The following ZFHX4 variants were observed in gnomAD, a reference collection of about 807,000 sequenced individuals.
ZFHX4 encodes zinc finger homeobox 4, also known as zinc finger homeobox protein 4.
Under a neutral mutation model 267.6 loss-of-function variants are expected in ZFHX4, and 56 were observed. The ratio of observed to expected loss-of-function variants is 0.21; its 90% CI spans 0.17 to 0.26. The LOEUF is 0.26. ZFHX4 is among the 10% of genes least tolerant of loss of function. ZFHX4 has a pLI of 1.00. For synonymous variants in ZFHX4, 1,778 were observed against 1,665.6 expected (o/e 1.07, Z -1.64); for missense variants, 4,332 against 4,420.0 (o/e 0.98, Z 0.56).
At chr8:76,731,416 C>T (rs550861189) in intron 3 of ZFHX4, among the ~76,000 whole-genome samples, 5 of 152,226 alleles carry the variant, frequency 3.3e-5, no homozygotes, top group African/African-American at 9.6e-5. Flanking sequence ...TTGTCTGAGT[C>T]AAGAAAGAAT....
In ZFHX4 at chr8:76,704,223, C is replaced by G; in HGVS notation, c.135C>G (p.Ser45Arg). 2 of 1,613,998 alleles carry G rather than the reference C, an allele frequency of 1.2e-6. No homozygotes were observed. The highest frequency in any genetic ancestry group is 1.7e-6 in the Non-Finnish European group (2 of 1,179,888). ...GGATGGAGCCTGACAGGGAAAACAG[C>G]TCCACAGATGACAACCTGAAAACGG... is the stretch of plus-strand genomic sequence containing the variant. ...VAGMEPDREN[S>R]STDDNLKTDE... The change falls in exon 2 of 11, where the codon AGC becomes AGG. Residue 45 changes from serine (S) to arginine (R), a missense_variant. By Grantham distance (110) the Ser-to-Arg change is moderately radical. Coordinates refer to ENST00000651372, the MANE Select transcript of ZFHX4 (RefSeq NM_024721.5).
intron 4 of ZFHX4, among the ~76,000 whole-genome samples, chr8:76,832,660 C>T (rs536864364): frequency 1.6e-4 from 25 of 152,158 alleles, no homozygotes; most frequent in Non-Finnish European, 2.8e-4. Context: ...AATGAGATGT[C>T]GAAGGAAATT....
At position 76,855,455 on chromosome 8, in the gene ZFHX4, T is replaced by C; in HGVS notation, c.8534T>C (p.Leu2845Pro). 6.2e-7 allele frequency: 1 copy of C among 1,613,532 alleles called. No individual in the cohort carries two copies. Among genetic ancestry groups the C allele is most frequent in the Non-Finnish European group, 8.5e-7 (1 of 1,179,810 alleles). Reference protein sequence around the residue: ...PALSPKEPKTLDTLPKPATTP... With the variant: ...PALSPKEPKTPDTLPKPATTP... The stretch of plus-strand genomic sequence containing the variant: ...TTGTCTCCCAAAGAGCCAAAAACTC[T>C]GGATACTCTGCCAAAACCTGCAACC... Residue 2845 changes from leucine (L) to proline (P), a missense_variant, in exon 10 of 11, where the codon CTG becomes CCG. By Grantham distance (98) the Leu-to-Pro change is moderately conservative (BLOSUM62 -3). Coordinates refer to ENST00000651372, the MANE Select transcript of ZFHX4 (RefSeq NM_024721.5).
rs548099081 is a variant in ZFHX4, at chr8:76,836,445, C to T, written c.3394+3039C>T. Among the ~76,000 whole-genome samples, 52 of 152,022 alleles carry T rather than the reference C, an allele frequency of 3.4e-4. No individual in the cohort carries two copies. In the South Asian group the frequency reaches 0.01, roughly 30 times the overall value. ...GACAGCTCATCAGCTACTTTAGGAG[C>T]GGTAGTCAGAGAAGTTCTCTGAGGA... On this transcript the variant is annotated intron_variant, in intron 5 of 10. Transcript: ENST00000651372.
intron 1 of ZFHX4, among the ~76,000 whole-genome samples, chr8:76,700,094 A>G (rs1466888079): frequency 6.6e-6 from 1 of 152,116 alleles, no homozygotes; most frequent in Non-Finnish European, 1.5e-5. Flanking sequence ...ACCTTTTGGA[A>G]ACTTGATATA....
At chr8:76,817,581 T>C (rs752601747) in intron 4 of ZFHX4, among the ~76,000 whole-genome samples, 2 of 152,202 alleles carry the variant, frequency 1.3e-5, no homozygotes, top group African/African-American at 2.4e-5. Flanking sequence ...TTCAAAGAAT[T>C]AAATGCATAC....
rs369260305 is a variant in ZFHX4 at position 76,864,339 on chromosome 8, C to T, written c.10625C>T (p.Pro3542Leu). Residue 3542 changes from proline to leucine, a missense_variant, in exon 11 of 11, where the codon CCT becomes CTT. Around this residue, in one of 7 missense-constraint regions of ZFHX4, gnomAD observed 1,648 missense variants for 1,625.0 expected, o/e 1.01. Coordinates refer to ENST00000651372, the MANE Select transcript of ZFHX4 (RefSeq NM_024721.5). The stretch of plus-strand genomic sequence containing the variant: ...TCTGCCAGGAGAGCTGCTTCTCCCC[C>T]TTCTTCTCCTCCTTCCCTTTCCTTG... ...QASARRAASP[P>L]SSPPSLSLPS... 5.0e-6 allele frequency: 8 copies of T among 1,613,636 alleles called. No homozygotes were observed. Among genetic ancestry groups the T allele is most frequent in the African/African-American group, 1.3e-5 (1 of 74,910 alleles).
chr8:76,828,828 AG>A (rs764796366), intron 4 of ZFHX4, among the ~76,000 whole-genome samples: 2 of 152,262 alleles, frequency 1.3e-5, no homozygotes, highest in Non-Finnish European at 2.9e-5. Context: ...AATGCTGCAT[AG>A]GAATACAGAA....
At position 76,707,597 on chromosome 8, in the gene ZFHX4, G is replaced by A. The variant is rs768268963; in HGVS notation, c.2642G>A (p.Gly881Asp). 6.2e-7 allele frequency: 1 copy of A among 1,613,412 alleles called. No homozygotes were observed. Among genetic ancestry groups the A allele is most frequent in the Non-Finnish European group, 8.5e-7 (1 of 1,179,674 alleles). The change falls in exon 3 of 11, where the codon GGT (glycine) becomes GAT (aspartate). Residue 881 changes from glycine to aspartate, a missense_variant. Gly to Asp is a moderately conservative substitution (Grantham distance 94). Transcript: ENST00000651372. ...CGGCTTGCCAGTGGTCAGCTAATGG[G>A]TGATGACCTGTCCCTCCTTACTGCA... ...EIRLASGQLM[G>D]DDLSLLTAGE...
intron 3 of ZFHX4, among the ~76,000 whole-genome samples, chr8:76,773,833 G>T (rs1810333115): frequency 6.6e-6 from 1 of 151,994 alleles, no homozygotes; most frequent in South Asian, 2.1e-4. Flanking sequence ...TTTTATTGAG[G>T]ACCAGAGTAA....
chr8:76,861,388 T>G (rs914236965), intron 10 of ZFHX4, among the ~76,000 whole-genome samples: 5 of 152,212 alleles, frequency 3.3e-5, no homozygotes, highest in African/African-American at 1.2e-4. Flanking sequence ...GGTTTCCTTA[T>G]TTAAAAATGG....
intron 10 of ZFHX4, among the ~76,000 whole-genome samples, 161 bp from the exon 11 acceptor site, chr8:76,862,932 AT>A (rs1812908653): frequency 6.6e-6 from 1 of 152,142 alleles, no homozygotes; most frequent in Admixed American, 6.5e-5. Flanking sequence ...GGAAAGCCCC[AT>A]GTTGAAGTTC....
At chr8:76,849,835 C>G in intron 8 of ZFHX4, 123 bp downstream of exon 8, 1 of 1,108,336 alleles carries the variant, frequency 9.0e-7, no homozygotes, top group Middle Eastern at 2.9e-4. Flanking sequence ...TCTGTTATTG[C>G]TCGTGTTATA....
intron 1 of ZFHX4, among the ~76,000 whole-genome samples, chr8:76,699,247 TGTTAA>T (rs1239241292): frequency 2.6e-5 from 4 of 152,200 alleles, no homozygotes; most frequent in Admixed American, 2.6e-4. Context: ...AATGTGCTTT[TGTTAA>T]GTTATTTGAT....
chr8:76,832,320 T>C lies in ZFHX4; in HGVS notation c.3326-1018T>C, dbSNP rs190675596. Among the ~76,000 whole-genome samples the C allele has an allele frequency of 2.1e-4, 32 of 152,300 alleles. No homozygotes were observed. In the East Asian group the frequency reaches 5.6e-3, roughly 27 times the overall value. The stretch of plus-strand genomic sequence containing the variant: ...CTATATCATGTTACACCTTTAGTTG[T>C]ATTATTTTCTATTACTGTTACTATT... On this transcript the variant is annotated intron_variant, in intron 4 of 10. Transcript: ENST00000651372.
rs73693445 is a variant in ZFHX4, at chr8:76,854,358, G to A, written c.7437G>A (p.Met2479Ile). 1,188 of 1,613,828 alleles carry A rather than the reference G, an allele frequency of 7.4e-4. 12 individuals are homozygous for A. In the African/African-American group the frequency reaches 0.013, roughly 18 times the overall value. Residue 2479 changes from methionine to isoleucine, a missense_variant, in exon 10 of 11, where the codon ATG (methionine) becomes ATA (isoleucine). Met to Ile is a conservative substitution (Grantham distance 10, BLOSUM62 1). Coordinates refer to ENST00000651372, the MANE Select transcript of ZFHX4 (RefSeq NM_024721.5). ...PVPSSPLQISMTSLQNSLPPQ... is the reference protein window; with the variant it reads ...PVPSSPLQISITSLQNSLPPQ... ...CTTCCAGTCCACTGCAAATTTCCAT[G>A]ACGTCTCTCCAGAACAGTCTACCTC...
intron 5 of ZFHX4, among the ~76,000 whole-genome samples, chr8:76,842,400 A>C (rs190738354): frequency 2.0e-5 from 3 of 152,308 alleles, no homozygotes; most frequent in African/African-American, 7.2e-5. Flanking sequence ...AACTGTACTA[A>C]AAAGAATTTA....
intron 6 of ZFHX4, among the ~76,000 whole-genome samples, chr8:76,844,904 T>C (rs2131922229): frequency 6.6e-6 from 1 of 152,264 alleles, no homozygotes; most frequent in African/African-American, 2.4e-5. Flanking sequence ...TTTTTAGGTT[T>C]AAAATATTAT....
rs975587738 is a variant in ZFHX4 at position 76,849,024 on chromosome 8, G to T, written c.3541G>T (p.Val1181Phe). 5 of 1,555,216 alleles carry T rather than the reference G, an allele frequency of 3.2e-6. No homozygotes were observed. The highest frequency in any genetic ancestry group is 2.7e-5 in the African/African-American group (2 of 73,236). ...AATCACACCAGAGAAGGAACTAAAA[G>T]TTAGTGTGGCAGGGGGTACCCAGCC... is the stretch of plus-strand genomic sequence containing the variant. ...GIITPEKELK[V>F]SVAGGTQPLL... The change falls in exon 7 of 11, where the codon GTT (valine) becomes TTT (phenylalanine). Residue 1181 changes from valine to phenylalanine, a missense_variant. Transcript: ENST00000651372.
Sources: gnomAD v4.1 joint callset for allele counts (sites outside exome capture counted in the v4.1 genomes callset) on GRCh38, gnomAD v4.1.1 for gene constraint, gnomAD v4.1.1 regional missense constraint, MANE v1.5 for transcripts, NCBI Gene and HGNC (gene_info 2026-07-23, HGNC 2026-07-21) for gene names.